Variants in SCFD1 observed in about 807,000 individuals in gnomAD.
The protein encoded by SCFD1 is sec1 family domain-containing protein 1.
A neutral mutation model predicts 103.2 loss-of-function variants in SCFD1; 37 were observed. The ratio of observed to expected loss-of-function variants is 0.36; its 90% CI spans 0.28 to 0.47. SCFD1 has a LOEUF of 0.47. SCFD1 is among the 20% of genes least tolerant of loss of function. The pLI is 1.00. For missense variants in SCFD1, 639 were observed against 761.2 expected (o/e 0.84, Z 1.89); for synonymous variants, 264 against 245.0 (o/e 1.08, Z -0.73).
At chr14:30,667,206 C>G (rs933687627) in intron 10 of SCFD1, among the ~76,000 whole-genome samples, 19 of 152,132 alleles carry the variant, frequency 1.2e-4, no homozygotes, top group African/African-American at 4.6e-4. Context: ...GCTTATCCAC[C>G]ACAAACAAGT....
At chr14:30,651,301 T>C (rs998680377) in intron 9 of SCFD1, among the ~76,000 whole-genome samples, 3 of 152,146 alleles carry the variant, frequency 2.0e-5, no homozygotes, top group African/African-American at 7.2e-5. Context: ...AATAAACAGA[T>C]GCCCAGAGAA....
chr14:30,645,077 A>G (rs1885677665), intron 7 of SCFD1, among the ~76,000 whole-genome samples: 1 of 152,162 alleles, frequency 6.6e-6, no homozygotes, highest in African/African-American at 2.4e-5. Context: ...AGCACCACTT[A>G]CTGAATAGGG....
At chr14:30,672,761 A>C (rs1888673809) in intron 11 of SCFD1, among the ~76,000 whole-genome samples, 1 of 152,266 alleles carries the variant, frequency 6.6e-6, no homozygotes, top group South Asian at 2.1e-4. Context: ...TTTTACCAGT[A>C]GTGTTCTGGG....
chr14:30,664,018 A>C (rs2139167789), intron 10 of SCFD1, among the ~76,000 whole-genome samples: 1 of 152,256 alleles, frequency 6.6e-6, no homozygotes, highest in East Asian at 1.9e-4. Context: ...CTCTGAAGAG[A>C]GCAGTGGTTC....
At chr14:30,679,648 A>G (rs1369984095) in intron 14 of SCFD1, among the ~76,000 whole-genome samples, 2 of 152,000 alleles carry the variant, frequency 1.3e-5, no homozygotes, top group Non-Finnish European at 2.9e-5. Context: ...TTAAACATAC[A>G]ACATAGATCC....
chr14:30,656,521 C>A (rs1886919733), intron 10 of SCFD1, among the ~76,000 whole-genome samples: 1 of 152,124 alleles, frequency 6.6e-6, no homozygotes, highest in South Asian at 2.1e-4. Context: ...GCCAGTGGAA[C>A]TCCCTCAGTT....
intron 23 of SCFD1, among the ~76,000 whole-genome samples, chr14:30,731,195 G>A (rs1312798184): frequency 6.6e-6 from 1 of 152,102 alleles, no homozygotes; most frequent in Non-Finnish European, 1.5e-5. Flanking sequence ...GCTCTGTTCT[G>A]TTCCACTGGT....
chr14:30,627,380 A>T (rs1893007548), intron 1 of SCFD1, among the ~76,000 whole-genome samples: 1 of 152,222 alleles, frequency 6.6e-6, no homozygotes, highest in Non-Finnish European at 1.5e-5. Context: ...CTCTTACATA[A>T]CTATAGACAG....
intron 19 of SCFD1, among the ~76,000 whole-genome samples, chr14:30,712,767 A>G (rs185631063): frequency 2.0e-5 from 3 of 152,318 alleles, no homozygotes; most frequent in Admixed American, 6.5e-5. Flanking sequence ...ATCTATATCT[A>G]TAATGGCTTT....
At chr14:30,661,949 C>T (rs1014347456) in intron 10 of SCFD1, among the ~76,000 whole-genome samples, 5 of 151,966 alleles carry the variant, frequency 3.3e-5, no homozygotes, top group Non-Finnish European at 7.4e-5. Flanking sequence ...ATCCTTATTC[C>T]TGTCTTAGAA....
intron 17 of SCFD1, among the ~76,000 whole-genome samples, chr14:30,702,849 T>C (rs947740588): frequency 6.6e-6 from 1 of 152,182 alleles, no homozygotes; most frequent in Admixed American, 6.5e-5. Context: ...GACCTAGTAC[T>C]TCTCTTAAGG....
rs1198610532 is a variant in SCFD1, at chr14:30,639,720, A to G, written c.436-57A>G. The G allele has an allele frequency of 1.2e-5, 17 of 1,466,090 alleles. No individual in the cohort carries two copies. In the East Asian group the frequency reaches 3.7e-4, roughly 32 times the overall value. The allele number at this position is 1,466,090 out of a possible 1,614,324, so 90.8% of individuals were successfully genotyped here. On this transcript the variant is annotated intron_variant, in intron 5 of 24. Coordinates refer to ENST00000458591, the MANE Select transcript of SCFD1 (RefSeq NM_016106.4). ...TGGTAGGTTAGAGCAAACTAAATTTACTTTCAATATGGCTATATTGTAAGA... is the reference window on the plus strand; with the variant it reads ...TGGTAGGTTAGAGCAAACTAAATTTGCTTTCAATATGGCTATATTGTAAGA...
chr14:30,734,624 C>G (rs942974331), intron 23 of SCFD1, 166 bp from the exon 24 acceptor site: 2 of 597,990 alleles, frequency 3.3e-6, no homozygotes, highest in African/African-American at 3.7e-5. Flanking sequence ...CTTTATTCCT[C>G]TTTATTTCAT....
intron 13 of SCFD1, among the ~76,000 whole-genome samples, chr14:30,674,251 A>G (rs1042462407): frequency 3.3e-5 from 5 of 152,220 alleles, no homozygotes; most frequent in African/African-American, 9.7e-5. Flanking sequence ...GGAAAATACT[A>G]TTAATGATAA....
rs770666513 is a variant in SCFD1 at position 30,630,546 on chromosome 14, A to G, written c.202A>G (p.Met68Val). 4 of 1,589,946 alleles carry G rather than the reference A, an allele frequency of 2.5e-6. No individual in the cohort carries two copies. The South Asian group carries it at 4.4e-5, about 18-fold the overall frequency. The change falls in exon 3 of 25, where the codon ATG becomes GTG. Residue 68 changes from methionine (M) to valine (V), a missense_variant. Coordinates refer to ENST00000458591, the MANE Select transcript of SCFD1 (RefSeq NM_016106.4). The part of the protein sequence containing the change: ...PLLSVKELRD[M>V]GITLHLLLHS... ...GCTATCTGTGAAGGAGCTAAGAGACATGGGAATCACTCTGCATCTGTGAGT... is the reference window on the plus strand; with the variant it reads ...GCTATCTGTGAAGGAGCTAAGAGACGTGGGAATCACTCTGCATCTGTGAGT...
chr14:30,678,089 C>T (rs962450048), intron 14 of SCFD1, among the ~76,000 whole-genome samples: 1 of 152,014 alleles, frequency 6.6e-6, no homozygotes, highest in African/African-American at 2.4e-5. Flanking sequence ...CCACCCGCCT[C>T]GGCCCCGCGA....
chr14:30,636,202 C>A (rs1349896399), intron 4 of SCFD1, among the ~76,000 whole-genome samples: 3 of 151,248 alleles, frequency 2.0e-5, no homozygotes, highest in Non-Finnish European at 4.4e-5. Context: ...GTTATCTTTT[C>A]ATTCTCTGGA....
intron 23 of SCFD1, among the ~76,000 whole-genome samples, chr14:30,725,564 T>A (rs1029007828): frequency 1.3e-5 from 2 of 152,236 alleles, no homozygotes; most frequent in African/African-American, 2.4e-5. Context: ...AAGTTGTTTA[T>A]CAGCTTAAGA....
rs1566645921 is a variant in SCFD1, at chr14:30,703,949, AT to A, written c.1490+1575del. Among the ~76,000 whole-genome samples, 12 of 58,440 alleles carry A rather than the reference AT, an allele frequency of 2.1e-4. 1 individual carries two copies. The highest frequency in any genetic ancestry group is 6.8e-3 in the Middle Eastern group (1 of 148). 38.3% of individuals were successfully genotyped at this position (58,440 alleles called of 152,430 possible). On this transcript the variant is annotated intron_variant, in intron 17 of 24. Coordinates refer to ENST00000458591, the MANE Select transcript of SCFD1 (RefSeq NM_016106.4). ...TATATATATATATATATATATATAT[AT>A]ATATATATATATAAATAATGAGATA...
Sources: gnomAD v4.1 joint callset for allele counts (sites outside exome capture counted in the v4.1 genomes callset) on GRCh38, gnomAD v4.1.1 for gene constraint, MANE v1.5 for transcripts, NCBI Gene and HGNC (gene_info 2026-07-23, HGNC 2026-07-21) for gene names.